The following EPHA7 variants were observed in gnomAD, a reference collection of about 807,000 sequenced individuals.
EPHA7 encodes ephrin type-A receptor 7.
In EPHA7, 25 loss-of-function variants were observed where a neutral mutation model predicts 112.6. That is an observed-to-expected ratio of 0.22 (90% CI 0.16 to 0.31). The LOEUF is 0.31. Among genes scored for constraint, EPHA7 ranks in the 10% least tolerant of loss-of-function variants. The probability of loss-of-function intolerance (pLI) is 1.00; values close to 1 mark genes in which losing one functional copy is unlikely to be tolerated. For synonymous variants in EPHA7, 437 were observed against 406.5 expected, an observed-to-expected ratio of 1.07 and a Z score of -0.90; for missense variants, 962 against 1,212.6, an observed-to-expected ratio of 0.79 and a Z score of 3.07.
intron 5 of EPHA7, among the ~76,000 whole-genome samples, chr6:93,353,325 A>G (rs1179636446): frequency 6.6e-6 from 1 of 152,152 alleles, no homozygotes; most frequent in Admixed American, 6.6e-5. Flanking sequence ...CATGTTCATG[A>G]TAAGTAAATA....
chr6:93,379,443 A>G (rs1224514995), intron 3 of EPHA7, among the ~76,000 whole-genome samples: 2 of 152,112 alleles, frequency 1.3e-5, no homozygotes, highest in Non-Finnish European at 2.9e-5. Context: ...GAGCATTATA[A>G]TAACTTTTTT....
intron 3 of EPHA7, among the ~76,000 whole-genome samples, chr6:93,402,853 T>A (rs1318839313): frequency 1.3e-5 from 2 of 152,018 alleles, no homozygotes; most frequent in Non-Finnish European, 2.9e-5. Flanking sequence ...CTTCTTAATA[T>A]AGAAAATGTT....
intron 5 of EPHA7, among the ~76,000 whole-genome samples, chr6:93,326,672 C>T (rs963226894): frequency 1.3e-5 from 2 of 151,422 alleles, no homozygotes; most frequent in Non-Finnish European, 3.0e-5. Context: ...CCCATCATAG[C>T]ATATGACGTG....
At chr6:93,273,144 T>C (rs1311276543) in intron 5 of EPHA7, among the ~76,000 whole-genome samples, 1 of 151,958 alleles carries the variant, frequency 6.6e-6, no homozygotes, top group African/African-American at 2.4e-5. Context: ...ATATAGATAA[T>C]AATATGCTTA....
rs940427202 is a variant in EPHA7, at chr6:93,327,550, AC to A, written c.1324+29166del. On this transcript the variant is annotated intron_variant, in intron 5 of 16. Transcript: ENST00000369303. ...AAACTGAGTTCCTAAACTTCTTCAA[AC>A]CTGTCTCTCCCACAAATTTTTCTGT... is the stretch of plus-strand genomic sequence containing the variant. Among the ~76,000 whole-genome samples, 6 of 151,512 alleles carry A rather than the reference AC, an allele frequency of 4.0e-5. No individual in the cohort carries two copies. In the South Asian group the frequency reaches 6.2e-4, roughly 16 times the overall value.
intron 14 of EPHA7, among the ~76,000 whole-genome samples, chr6:93,250,592 G>A (rs1770163078): frequency 6.6e-6 from 1 of 152,014 alleles, no homozygotes. Flanking sequence ...GTTAAGAATG[G>A]CATTATTTTT....
intron 3 of EPHA7, among the ~76,000 whole-genome samples, chr6:93,388,744 A>G (rs1777756686): frequency 6.6e-6 from 1 of 152,058 alleles, no homozygotes; most frequent in Non-Finnish European, 1.5e-5. Flanking sequence ...TTATAATCAC[A>G]GGGGGGAATA....
At chr6:93,380,666 T>C (rs1355365957) in intron 3 of EPHA7, among the ~76,000 whole-genome samples, 2 of 152,096 alleles carry the variant, frequency 1.3e-5, no homozygotes, top group African/African-American at 4.8e-5. Flanking sequence ...GATAAAATTC[T>C]CCTTATCCTT....
intron 5 of EPHA7, among the ~76,000 whole-genome samples, chr6:93,293,738 C>G (rs1427612588): frequency 1.3e-5 from 2 of 152,256 alleles, no homozygotes; most frequent in East Asian, 3.9e-4. Flanking sequence ...GCATCACAAA[C>G]AGTAAAGAAA....
intron 5 of EPHA7, among the ~76,000 whole-genome samples, chr6:93,274,065 C>T (rs1400648830): frequency 4.6e-5 from 7 of 151,976 alleles, no homozygotes; most frequent in Admixed American, 2.6e-4. Flanking sequence ...ACTGAGTTAC[C>T]CAGGAGTTGC....
chr6:93,250,776 T>G (rs1173878203), intron 14 of EPHA7, among the ~76,000 whole-genome samples: 1 of 152,118 alleles, frequency 6.6e-6, no homozygotes, highest in Non-Finnish European at 1.5e-5. Flanking sequence ...TGCCTTAGTA[T>G]TCTAATAAAA....
chr6:93,384,445 T>C (rs1777499142), intron 3 of EPHA7, among the ~76,000 whole-genome samples: 1 of 152,200 alleles, frequency 6.6e-6, no homozygotes, highest in Non-Finnish European at 1.5e-5. Flanking sequence ...CATTGTTCCA[T>C]AACTACAAAG....
At chr6:93,323,146 ATAATT>A (rs1225765599) in intron 5 of EPHA7, among the ~76,000 whole-genome samples, 1 of 151,654 alleles carries the variant, frequency 6.6e-6, no homozygotes, top group Non-Finnish European at 1.5e-5. Context: ...TTTTAACAAA[ATAATT>A]TATTTCTACA....
intron 16 of EPHA7, among the ~76,000 whole-genome samples, chr6:93,244,278 G>A (rs1203156111): frequency 6.6e-6 from 1 of 152,062 alleles, no homozygotes; most frequent in Non-Finnish European, 1.5e-5. Flanking sequence ...GGTACAGATT[G>A]CTTTGGGGAC....
At chr6:93,366,639 C>T (rs899202935) in intron 3 of EPHA7, among the ~76,000 whole-genome samples, 5 of 152,106 alleles carry the variant, frequency 3.3e-5, no homozygotes, top group Admixed American at 6.5e-5. Flanking sequence ...GGCTGTCCTG[C>T]ATCCACACGG....
At chr6:93,299,182 C>A (rs896505754) in intron 5 of EPHA7, among the ~76,000 whole-genome samples, 9 of 151,684 alleles carry the variant, frequency 5.9e-5, no homozygotes, top group Non-Finnish European at 1.0e-4. Context: ...AAAAATTAGC[C>A]GGGCGTGGTG....
intron 2 of EPHA7, 36 bp from the exon 3 acceptor site, chr6:93,411,206 C>A: frequency 6.5e-7 from 1 of 1,543,906 alleles, no homozygotes; most frequent in South Asian, 1.2e-5. Flanking sequence ...AGTCATTCAG[C>A]AAAAAATAAC....
chr6:93,271,840 A>G (rs1771237155), intron 6 of EPHA7, among the ~76,000 whole-genome samples: 1 of 151,886 alleles, frequency 6.6e-6, no homozygotes, highest in South Asian at 2.1e-4. Flanking sequence ...GAAGAACTAC[A>G]TATTTATTAT....
chr6:93,256,414 G>T (rs915250384), intron 12 of EPHA7, among the ~76,000 whole-genome samples: 1 of 151,876 alleles, frequency 6.6e-6, no homozygotes, highest in Non-Finnish European at 1.5e-5. Flanking sequence ...AGTATATAAA[G>T]AAATTAATAT....
Sources: allele counts gnomAD v4.1 joint callset (sites outside exome capture counted in the v4.1 genomes callset), GRCh38; gene constraint gnomAD v4.1.1; transcripts MANE v1.5; gene names NCBI Gene and HGNC (gene_info 2026-07-23, HGNC 2026-07-21).